Variants in ITGB4 observed in about 807,000 individuals in gnomAD.
The protein encoded by ITGB4 is integrin subunit beta 4, also known as integrin beta-4.
ITGB4 carries 159 observed loss-of-function variants against 207.6 expected under a neutral mutation model. That is an observed-to-expected ratio of 0.77 (90% CI 0.67 to 0.87). The LOEUF is 0.87. ITGB4 is among the 40% of genes least tolerant of loss of function. The pLI is 0.00. For synonymous variants in ITGB4, 1,020 were observed against 1,062.7 expected, an observed-to-expected ratio of 0.96 and a Z score of 0.78; for missense variants, 2,278 against 2,546.8, an observed-to-expected ratio of 0.89 and a Z score of 2.27.
intron 26 of ITGB4, among the ~76,000 whole-genome samples, chr17:75,748,348 T>G (rs1487998730): frequency 1.3e-5 from 2 of 149,776 alleles, no homozygotes; most frequent in Non-Finnish European, 3.0e-5. Context: ...GGTGACAGAG[T>G]GAGACCCTGT....
chr17:75,748,054 G>A (rs1174226565), intron 26 of ITGB4, among the ~76,000 whole-genome samples: 1 of 152,038 alleles, frequency 6.6e-6, no homozygotes, highest in East Asian at 1.9e-4. Context: ...ATCCTGGAAA[G>A]CTCAGGCATG....
At position 75,757,039 on chromosome 17, in the gene ITGB4, A is replaced by G; in HGVS notation, c.5150A>G (p.Gln1717Arg). 6.2e-7 allele frequency: 1 copy of G among 1,612,526 alleles called. No individual in the cohort carries two copies. Among genetic ancestry groups the G allele is most frequent in the African/African-American group, 1.3e-5 (1 of 74,836 alleles). Reference protein sequence around the residue: ...SENVPYKFKVQARTTEGFGPE... With the variant: ...SENVPYKFKVRARTTEGFGPE... ...AACGTGCCCTACAAGTTCAAGGTGC[A>G]GGCCAGGACCACTGAGGGCTTCGGG... The change falls in exon 38 of 40, where the codon CAG (glutamine) becomes CGG (arginine). Residue 1717 changes from glutamine to arginine, a missense_variant. Physicochemically the swap from Gln to Arg is conservative, Grantham distance 43. Transcript: ENST00000200181.
rs1327865549 is a variant in ITGB4 at position 75,750,755 on chromosome 17, A to C, written c.3550A>C (p.Thr1184Pro). The C allele has an allele frequency of 6.2e-7, 1 of 1,613,414 alleles. No individual in the cohort carries two copies. The highest frequency in any genetic ancestry group is 1.7e-5 in the Admixed American group (1 of 60,012). The change falls in exon 29 of 40, where the codon ACC (threonine) becomes CCC (proline). Residue 1184 changes from threonine to proline, a missense_variant. Thr to Pro is a conservative substitution (Grantham distance 38). Transcript: ENST00000200181. The surrounding 1 kb of genome is among the most constrained non-coding windows in gnomAD (Gnocchi z 5.5). ...CAGCAAGGTGCCCTCAGTGGAGCTC[A>C]CCAACCTGTACCCGTATTGCGACTA... ...LDSKVPSVEL[T>P]NLYPYCDYEM... is the part of the protein sequence containing the mutation.
At chr17:75,745,343 T>C (rs1314501706) in intron 26 of ITGB4, among the ~76,000 whole-genome samples, 3 of 151,792 alleles carry the variant, frequency 2.0e-5, no homozygotes, top group Admixed American at 6.6e-5. Flanking sequence ...CAGTGAGCCA[T>C]GTTCATGCCA....
rs896893103 is a variant in ITGB4, at chr17:75,732,761, C to T, written c.1454+522C>T. Reference sequence around the variant, plus strand: ...TCTGCATGACTGGGAGCTGCCTCGGCCCTCTCAGAGCCTCAGTTTCCTCAT... The same window carrying T: ...TCTGCATGACTGGGAGCTGCCTCGGTCCTCTCAGAGCCTCAGTTTCCTCAT... On this transcript the variant is annotated intron_variant, in intron 12 of 39. Transcript: ENST00000200181. The surrounding 1 kb of genome is among the most constrained non-coding windows in gnomAD (Gnocchi z 5.3). Among the ~76,000 whole-genome samples the T allele has an allele frequency of 3.3e-5, 5 of 152,270 alleles. No homozygotes were observed. The highest frequency in any genetic ancestry group is 7.2e-5 in the African/African-American group (3 of 41,548).
In ITGB4 at chr17:75,748,891, G is replaced by C; in HGVS notation, c.3162G>C (p.Trp1054Cys). 4 of 1,613,200 alleles carry C rather than the reference G, an allele frequency of 2.5e-6. No individual in the cohort carries two copies. The highest frequency in any genetic ancestry group is 3.4e-6 in the Non-Finnish European group (4 of 1,179,932). ...TGCTGTTCCAGCCTGGGGAGGCCTG[G>C]AAAGAGCTGCAGGTGAAGCTCCTGG... ...GELLFQPGEAWKELQVKLLEL... is the reference protein window; with the variant it reads ...GELLFQPGEACKELQVKLLEL... Residue 1054 changes from tryptophan to cysteine, a missense_variant, in exon 27 of 40, where the codon TGG becomes TGC. By Grantham distance (215) the Trp-to-Cys change is radical. Coordinates refer to ENST00000200181, the MANE Select transcript of ITGB4 (RefSeq NM_000213.5).
chr17:75,726,214 G>A (rs1420388111), intron 2 of ITGB4, among the ~76,000 whole-genome samples: 1 of 152,240 alleles, frequency 6.6e-6, no homozygotes, highest in Non-Finnish European at 1.5e-5. Flanking sequence ...AGCACTTTGG[G>A]AGGCCAAGGT....
At position 75,752,163 on chromosome 17, in the gene ITGB4, C is replaced by T; in HGVS notation, c.3794-11C>T. On this transcript the variant is annotated splice_polypyrimidine_tract_variant and intron_variant, in intron 30 of 39. Transcript: ENST00000200181. ...CCTGGGTGACCCTCTGAAGCACTCT[C>T]TCTGCCCCAGGACCTATTGGGCCCA... is the stretch of plus-strand genomic sequence containing the variant. 1 of 1,613,884 alleles carries T rather than the reference C, an allele frequency of 6.2e-7. No individual in the cohort carries two copies. The highest frequency in any genetic ancestry group is 2.2e-5 in the East Asian group (1 of 44,878).
In ITGB4 at chr17:75,750,131, A is replaced by G; in HGVS notation, c.3337A>G (p.Thr1113Ala). 6.2e-7 allele frequency: 1 copy of G among 1,613,664 alleles called. No homozygotes were observed. The highest frequency in any genetic ancestry group is 8.5e-7 in the Non-Finnish European group (1 of 1,180,008). The change falls in exon 28 of 40, where the codon ACG becomes GCG. Residue 1113 changes from threonine (T) to alanine (A), a missense_variant. Transcript: ENST00000200181. This position sits in a 1 kb window ranked among gnomAD's most constrained non-coding sequence, Gnocchi z 5.5. ...GTTAGATGAACTGGACCGGAGCTTC[A>G]CGAGTCAGATGTTGTCATCACAGCC... The part of the protein sequence containing the change: ...RDPDELDRSF[T>A]SQMLSSQPPP...
chr17:75,735,922 C>A, intron 13 of ITGB4, 129 bp from the exon 14 acceptor site: 1 of 837,358 alleles, frequency 1.2e-6, no homozygotes, highest in Non-Finnish European at 2.1e-6. Context: ...GAAGAGATGA[C>A]TTCTACCCCA....
At position 75,729,567 on chromosome 17, in the gene ITGB4, C is replaced by A; in HGVS notation, c.738+131C>A. 1 of 907,954 alleles carries A rather than the reference C, an allele frequency of 1.1e-6. No homozygotes were observed. Among genetic ancestry groups the A allele is most frequent in the Non-Finnish European group, 1.6e-6 (1 of 618,122 alleles). 56.2% of individuals were successfully genotyped at this position (907,954 alleles called of 1,614,324 possible). A position where few individuals can be genotyped will look rare whatever the true frequency, so the allele number is the denominator to read the frequency against. On this transcript the variant is annotated intron_variant, in intron 7 of 39. Transcript: ENST00000200181. This position sits in a 1 kb window ranked among gnomAD's most constrained non-coding sequence, Gnocchi z 4.4. ...GAGGGAAAGCCTGGGAGCCTGCAACCCCTTCACCCTGAGACAAGCTCAGAC... is the reference window on the plus strand; with the variant it reads ...GAGGGAAAGCCTGGGAGCCTGCAACACCTTCACCCTGAGACAAGCTCAGAC...
intron 35 of ITGB4, 61 bp from the exon 36 acceptor site, chr17:75,756,368 G>A: frequency 6.3e-7 from 1 of 1,585,718 alleles, no homozygotes; most frequent in Non-Finnish European, 8.7e-7. Flanking sequence ...GGGACGAGGA[G>A]GATCAGGCCA....
rs2061429034 is a variant in ITGB4, at chr17:75,753,980, AG to A, written c.4318+8del. On this transcript the variant is annotated splice_region_variant and intron_variant, in intron 33 of 39. Transcript: ENST00000200181. Reference sequence around the variant, plus strand: ...GACACCCGGGCCCCCCGGAGGTGACAGGCTCACCCGCCGCCCCCCGATCCGC... The same window carrying A: ...GACACCCGGGCCCCCCGGAGGTGACAGCTCACCCGCCGCCCCCCGATCCGC... 1 of 1,210,070 alleles carries A rather than the reference AG, an allele frequency of 8.3e-7. No individual in the cohort carries two copies. 75.0% of individuals were successfully genotyped at this position (1,210,070 alleles called of 1,614,324 possible). A position where few individuals can be genotyped will look rare whatever the true frequency, so the allele number is the denominator to read the frequency against.
In ITGB4 at chr17:75,757,269, T is replaced by C. The variant is rs1461112254; in HGVS notation, c.5288T>C (p.Ile1763Thr). Reference protein sequence around the residue: ...QHPLQSEYSSITTTHTSATEP... With the variant: ...QHPLQSEYSSTTTTHTSATEP... ...CCGCTGCAAAGCGAGTACAGCAGCA[T>C]CACCACCACCCACACCAGCGCCACC... Residue 1763 changes from isoleucine to threonine, a missense_variant, in exon 39 of 40, where the codon ATC (isoleucine) becomes ACC (threonine). Transcript: ENST00000200181. 2 of 1,611,106 alleles carry C rather than the reference T, an allele frequency of 1.2e-6. No homozygotes were observed. Among genetic ancestry groups the C allele is most frequent in the Admixed American group, 1.7e-5 (1 of 59,358 alleles).
chr17:75,731,854 G>T lies in ITGB4; in HGVS notation c.1258G>T (p.Gly420Trp), dbSNP rs1361657205. The T allele has an allele frequency of 6.2e-7, 1 of 1,612,504 alleles. No individual in the cohort carries two copies. Among genetic ancestry groups the T allele is most frequent in the Non-Finnish European group, 8.5e-7 (1 of 1,179,392 alleles). The change falls in exon 11 of 40, where the codon GGG becomes TGG. Residue 420 changes from glycine (G) to tryptophan (W), a missense_variant. Gly to Trp is a radical substitution (Grantham distance 184). Coordinates refer to ENST00000200181, the MANE Select transcript of ITGB4 (RefSeq NM_000213.5). This position sits in a 1 kb window ranked among gnomAD's most constrained non-coding sequence, Gnocchi z 6.8. Reference sequence around the variant, plus strand: ...GCTGCGGGCCCTTGAGCACGTGGATGGGACGCACGTGTGCCAGCTGCCGGA... The same window carrying T: ...GCTGCGGGCCCTTGAGCACGTGGATTGGACGCACGTGTGCCAGCTGCCGGA... ...VQLRALEHVD[G>W]THVCQLPEDQ...
In ITGB4 at chr17:75,728,492, C is replaced by A. The variant is rs1465469384; in HGVS notation, c.566+19C>A. 3 of 1,594,442 alleles carry A rather than the reference C, an allele frequency of 1.9e-6. No homozygotes were observed. The highest frequency in any genetic ancestry group is 1.7e-6 in the Non-Finnish European group (2 of 1,162,354). ...CTGAGAAGTAAGTGACTGTGTGGGT[C>A]CCGCAGGTGGGCAAGGGTCCAGGCC... On this transcript the variant is annotated intron_variant, in intron 6 of 39. Transcript: ENST00000200181.
intron 1 of ITGB4, among the ~76,000 whole-genome samples, chr17:75,724,292 G>A (rs1386972724): frequency 6.6e-6 from 1 of 152,182 alleles, no homozygotes; most frequent in African/African-American, 2.4e-5. Context: ...GCAGAGCTGC[G>A]GCCCCCTCTC....
rs8079424 is a variant in ITGB4, at chr17:75,732,308, G to A, written c.1454+69G>A. The A allele has an allele frequency of 2.0e-6, 3 of 1,493,888 alleles. No individual in the cohort carries two copies. The African/African-American group carries it at 4.1e-5, about 21-fold the overall frequency. 92.5% of individuals were successfully genotyped at this position (1,493,888 alleles called of 1,614,324 possible). ...CTGATGGGAAAGCTGGGCTCCTGCA[G>A]GGGCCTGGCCCTGGGTGCACCTTGT... On this transcript the variant is annotated intron_variant, in intron 12 of 39. Coordinates refer to ENST00000200181, the MANE Select transcript of ITGB4 (RefSeq NM_000213.5). This position sits in a 1 kb window ranked among gnomAD's most constrained non-coding sequence, Gnocchi z 5.3.
At chr17:75,751,606 T>G (rs2061368730) in intron 30 of ITGB4, 1 of 232,246 alleles carries the variant, frequency 4.3e-6, no homozygotes, top group African/African-American at 2.3e-5. Flanking sequence ...ACAGGCATGG[T>G]GGCTCATGCC....
Sources: allele counts gnomAD v4.1 joint callset (sites outside exome capture counted in the v4.1 genomes callset), GRCh38; gene constraint gnomAD v4.1.1; non-coding constraint Gnocchi (gnomAD v3.1); transcripts MANE v1.5; gene names NCBI Gene and HGNC (gene_info 2026-07-23, HGNC 2026-07-21).